Variants in NFIB observed in about 807,000 individuals in gnomAD.
The protein encoded by NFIB is nuclear factor 1 B-type.
A neutral mutation model predicts 61.5 loss-of-function variants in NFIB; 11 were observed. That is an observed-to-expected ratio of 0.18 (90% CI 0.11 to 0.30). NFIB has a LOEUF of 0.30. Among genes scored for constraint, NFIB ranks in the 10% least tolerant of loss-of-function variants. NFIB has a pLI of 1.00. For missense variants in NFIB, 471 were observed against 608.9 expected, an observed-to-expected ratio of 0.77 and a Z score of 2.38; for synonymous variants, 260 against 216.5, an observed-to-expected ratio of 1.20 and a Z score of -1.76.
intron 2 of NFIB, among the ~76,000 whole-genome samples, chr9:14,200,439 A>G (rs974717754): frequency 2.6e-5 from 4 of 152,214 alleles, no homozygotes; most frequent in African/African-American, 9.6e-5. Context: ...TCACGATGTG[A>G]GATAAGAAAA....
At chr9:14,359,127 G>T (rs1047450575) in intron 1 of NFIB, among the ~76,000 whole-genome samples, 1 of 152,178 alleles carries the variant, frequency 6.6e-6, no homozygotes, top group Non-Finnish European at 1.5e-5. Context: ...ACAAGATCAG[G>T]GTATACCCTT....
At chr9:14,167,087 G>C (rs912665691) in intron 3 of NFIB, among the ~76,000 whole-genome samples, 5 of 150,380 alleles carry the variant, frequency 3.3e-5, no homozygotes, top group South Asian at 2.1e-4. Flanking sequence ...GTGTGTCGGG[G>C]GGGGGGGGTT....
intron 10 of NFIB, among the ~76,000 whole-genome samples, chr9:14,105,330 A>G (rs764787219): frequency 1.3e-5 from 2 of 152,240 alleles, no homozygotes; most frequent in Non-Finnish European, 2.9e-5. Flanking sequence ...ATTTAGCAAT[A>G]ATTTAATGCC....
rs145323192 is a variant in NFIB, at chr9:14,272,061, A to G, written c.562+34928T>C. On this transcript the variant is annotated intron_variant, in intron 2 of 10. Coordinates refer to ENST00000380953, the MANE Select transcript of NFIB (RefSeq NM_001190737.2). ...AATTCCATCCAGTGGCCATTAAAAAATTACATTTAATAGTCAGACATGTAA... is the reference window on the plus strand; with the variant it reads ...AATTCCATCCAGTGGCCATTAAAAAGTTACATTTAATAGTCAGACATGTAA... 5.3e-5 allele frequency among the ~76,000 whole-genome samples: 8 copies of G among 152,336 alleles called. No homozygotes were observed. In the East Asian group the frequency reaches 1.5e-3, roughly 29 times the overall value.
At chr9:14,261,827 C>A (rs2056781722) in intron 2 of NFIB, among the ~76,000 whole-genome samples, 1 of 152,124 alleles carries the variant, frequency 6.6e-6, no homozygotes, top group Non-Finnish European at 1.5e-5. Context: ...ATGCTATGAG[C>A]TCAGTTAATG....
chr9:14,125,781 G>A lies in NFIB; in HGVS notation c.926-15C>T, dbSNP rs2039568300. ...AGAAGACATATCTGCGAGAAACAGA[G>A]AAAAACCCAAAGCTCCATGACTTTC... On this transcript the variant is annotated splice_polypyrimidine_tract_variant and intron_variant, in intron 6 of 10. Coordinates refer to ENST00000380953, the MANE Select transcript of NFIB (RefSeq NM_001190737.2). 1 of 1,609,460 alleles carries A rather than the reference G, an allele frequency of 6.2e-7. No individual in the cohort carries two copies. The highest frequency in any genetic ancestry group is 8.5e-7 in the Non-Finnish European group (1 of 1,176,924).
At chr9:14,363,563 G>A (rs1212852324) in intron 1 of NFIB, among the ~76,000 whole-genome samples, 4 of 150,824 alleles carry the variant, frequency 2.7e-5, no homozygotes, top group Non-Finnish European at 5.9e-5. Flanking sequence ...ATTTTTTTCT[G>A]ATTACGAAAG....
chr9:14,226,891 G>T (rs183470236), intron 2 of NFIB, among the ~76,000 whole-genome samples: 132 of 152,066 alleles, frequency 8.7e-4, no homozygotes, highest in Non-Finnish European at 1.6e-3. Context: ...TGTAATCCCG[G>T]CACTTTGGGA....
At chr9:14,226,589 T>C (rs1168929011) in intron 2 of NFIB, among the ~76,000 whole-genome samples, 1 of 151,278 alleles carries the variant, frequency 6.6e-6, no homozygotes, top group Non-Finnish European at 1.5e-5. Flanking sequence ...AGCATATTAG[T>C]CTTAAAAAAT....
intron 3 of NFIB, among the ~76,000 whole-genome samples, chr9:14,168,593 T>G: frequency 6.6e-6 from 1 of 152,140 alleles, no homozygotes; most frequent in African/African-American, 2.4e-5. Flanking sequence ...AGTGGAGACC[T>G]TGGAACCATA....
intron 6 of NFIB, among the ~76,000 whole-genome samples, chr9:14,142,157 A>G (rs1459146016): frequency 6.6e-6 from 1 of 152,100 alleles, no homozygotes; most frequent in African/African-American, 2.4e-5. Context: ...TCCCCACCCA[A>G]ATCTCATCTT....
intron 1 of NFIB, chr9:14,357,568 A>C (rs142136617): frequency 6.6e-6 from 1 of 152,212 alleles, no homozygotes; most frequent in African/African-American, 2.4e-5. Flanking sequence ...TCTACATGAG[A>C]TATTTCTGAG....
At chr9:14,447,238 C>T in the NFIB span, among the ~76,000 whole-genome samples, 6 of 152,140 alleles carry the variant, frequency 3.9e-5, no homozygotes, top group African/African-American at 1.4e-4. Flanking sequence ...ACTTCCACGA[C>T]CTGAAGTCCT....
chr9:14,392,424 A>T (rs891837098), intron 1 of NFIB, among the ~76,000 whole-genome samples: 2 of 152,220 alleles, frequency 1.3e-5, no homozygotes, highest in Non-Finnish European at 2.9e-5. Context: ...GTCTAAAACT[A>T]TTCTAACATA....
At chr9:14,470,516 G>A in the NFIB span, among the ~76,000 whole-genome samples, 2 of 152,080 alleles carry the variant, frequency 1.3e-5, no homozygotes, top group African/African-American at 4.8e-5. Flanking sequence ...AACTCCATAA[G>A]GGCCAGATGG....
At chr9:14,108,787 A>AT (rs1311735492) in intron 10 of NFIB, among the ~76,000 whole-genome samples, 1 of 151,998 alleles carries the variant, frequency 6.6e-6, no homozygotes, top group Non-Finnish European at 1.5e-5. Context: ...ACTTGACTTT[A>AT]TTGTCTCACT....
At chr9:14,315,117 G>A (rs2060480401), upstream of NFIB, among the ~76,000 whole-genome samples, 1 of 152,000 alleles carries the variant, frequency 6.6e-6, no homozygotes, top group Non-Finnish European at 1.5e-5. Context: ...GCGAACTTGG[G>A]CTCAAGTAGT....
chr9:14,237,540 A>G (rs1401286627), intron 2 of NFIB, among the ~76,000 whole-genome samples: 7 of 152,148 alleles, frequency 4.6e-5, no homozygotes. Context: ...TTCACTGCTC[A>G]TGATTACTAC....
At chr9:14,129,961 G>C (rs1428557160) in intron 6 of NFIB, among the ~76,000 whole-genome samples, 3 of 152,156 alleles carry the variant, frequency 2.0e-5, no homozygotes, top group Non-Finnish European at 4.4e-5. Flanking sequence ...AGAGAAACAA[G>C]TAGAGGCCAG....
Sources: allele counts gnomAD v4.1 joint callset (sites outside exome capture counted in the v4.1 genomes callset), GRCh38; gene constraint gnomAD v4.1.1; transcripts MANE v1.5; gene names NCBI Gene and HGNC (gene_info 2026-07-23, HGNC 2026-07-21).